The following NEBL variants were observed in gnomAD, a reference collection of about 807,000 sequenced individuals.
NEBL encodes the protein nebulette, also known as LIM and SH3 protein 2.
Under a neutral mutation model 140.2 loss-of-function variants are expected in NEBL, and 122 were observed. The observed-to-expected ratio is 0.87, with a 90% CI of 0.75 to 1.01. The LOEUF (loss-of-function observed/expected upper bound fraction) is 1.01, where lower values mean the gene tolerates loss of function less well. NEBL is among the 50% of genes least tolerant of loss of function. NEBL has a pLI of 0.00. For missense variants in NEBL, 1,365 were observed against 1,231.3 expected, an observed-to-expected ratio of 1.11 and a Z score of -1.62; for synonymous variants, 436 against 398.9, an observed-to-expected ratio of 1.09 and a Z score of -1.11.
intron 4 of NEBL, among the ~76,000 whole-genome samples, chr10:20,936,678 C>G (rs1834506048): frequency 6.6e-6 from 1 of 152,188 alleles, no homozygotes; most frequent in South Asian, 2.1e-4. Context: ...CTCACTGAAT[C>G]TAAATAAATA....
chr10:20,809,290 C>T (rs1220431677), intron 25 of NEBL, among the ~76,000 whole-genome samples: 1 of 152,134 alleles, frequency 6.6e-6, no homozygotes, highest in African/African-American at 2.4e-5. Flanking sequence ...TAATTATGAA[C>T]TTGCAATCTA....
At chr10:21,141,951 T>C (rs1839649120) in intron 2 of NEBL, among the ~76,000 whole-genome samples, 1 of 152,198 alleles carries the variant, frequency 6.6e-6, no homozygotes, top group African/African-American at 2.4e-5. Context: ...CTAGAAAATC[T>C]TCCTCTTGAC....
intron 18 of NEBL, among the ~76,000 whole-genome samples, chr10:20,824,185 C>CAT (rs984215402): frequency 3.3e-5 from 5 of 152,106 alleles, no homozygotes; most frequent in African/African-American, 1.2e-4. Flanking sequence ...GAAAAGGATA[C>CAT]ATATATATGT....
intron 3 of NEBL, among the ~76,000 whole-genome samples, chr10:20,992,022 C>T (rs569896913): frequency 3.4e-4 from 51 of 152,108 alleles, no homozygotes; most frequent in South Asian, 1.7e-3. Flanking sequence ...ACCACTGAAA[C>T]GAACCTAGGC....
chr10:20,987,209 C>T (rs1837290960), intron 3 of NEBL, among the ~76,000 whole-genome samples: 1 of 150,508 alleles, frequency 6.6e-6, no homozygotes, highest in Non-Finnish European at 1.5e-5. Context: ...TTTCCTAAGA[C>T]ATTCACATAT....
intron 2 of NEBL, among the ~76,000 whole-genome samples, chr10:21,040,581 T>G (rs1025909564): frequency 1.2e-4 from 19 of 152,104 alleles, no homozygotes; most frequent in African/African-American, 4.6e-4. Context: ...CTCATTACCA[T>G]GGGGAGGACA....
At chr10:21,001,174 T>C (rs569824975) in intron 3 of NEBL, among the ~76,000 whole-genome samples, 2 of 152,292 alleles carry the variant, frequency 1.3e-5, no homozygotes, top group East Asian at 3.9e-4. Flanking sequence ...TATTGCCTGC[T>C]TCCCCAGGTC....
chr10:20,854,554 T>C (rs187230861), intron 9 of NEBL, among the ~76,000 whole-genome samples: 3 of 149,210 alleles, frequency 2.0e-5, no homozygotes, highest in East Asian at 4.0e-4. Flanking sequence ...AAAATGTTCA[T>C]ATAGTACTTT....
intron 3 of NEBL, among the ~76,000 whole-genome samples, chr10:21,181,061 A>G (rs1172324441): frequency 6.6e-6 from 1 of 152,146 alleles, no homozygotes; most frequent in Admixed American, 6.6e-5. Flanking sequence ...CAGAAGTTCA[A>G]GACAAACCTG....
intron 1 of NEBL, among the ~76,000 whole-genome samples, chr10:21,290,136 C>T (rs1336923434): frequency 1.3e-5 from 2 of 152,114 alleles, no homozygotes; most frequent in East Asian, 3.9e-4. Context: ...CTGTGTGGTC[C>T]TCAGTGACAC....
intron 2 of NEBL, among the ~76,000 whole-genome samples, chr10:21,154,866 G>A (rs958057574): frequency 6.6e-6 from 1 of 152,148 alleles, no homozygotes; most frequent in Non-Finnish European, 1.5e-5. Context: ...TATACTTGTG[G>A]GGCACATGAG....
rs780917960 is a variant in NEBL at position 20,809,851 on chromosome 10, G to A, written c.2566C>T (p.Pro856Ser). ...CTAGACTGAATATTGTCTTCCAGGGGATCAAGGTCGAAGATGGAGCCAGGA... is the reference window on the plus strand; with the variant it reads ...CTAGACTGAATATTGTCTTCCAGGGAATCAAGGTCGAAGATGGAGCCAGGA... ...TDPGSIFDLD[P>S]LEDNIQSRSL... Residue 856 changes from proline (P) to serine (S), a missense_variant, in exon 25 of 28, where the codon CCC becomes TCC. Pro to Ser is a moderately conservative substitution (Grantham distance 74). Around this residue, in one of 2 missense-constraint regions of NEBL, gnomAD observed 1,323 missense variants for 1,154.8 expected, o/e 1.15. Coordinates refer to ENST00000377122, the MANE Select transcript of NEBL (RefSeq NM_006393.3). 1 of 1,611,708 alleles carries A rather than the reference G, an allele frequency of 6.2e-7. No homozygotes were observed. Among genetic ancestry groups the A allele is most frequent in the South Asian group, 1.1e-5 (1 of 90,950 alleles).
chr10:20,899,678 A>T (rs1423478539), upstream of NEBL: 1 of 309,074 alleles, frequency 3.2e-6, no homozygotes, highest in African/African-American at 2.2e-5. Context: ...TCAATGAAGC[A>T]CTAGGATCAG....
intron 24 of NEBL, among the ~76,000 whole-genome samples, chr10:20,812,472 C>A (rs1323060065): frequency 7.3e-6 from 1 of 136,098 alleles, no homozygotes; most frequent in Admixed American, 7.5e-5. Context: ...CCTCCCCCCT[C>A]CCCCCACCTC....
intron 4 of NEBL, among the ~76,000 whole-genome samples, chr10:20,944,645 C>T (rs1835068169): frequency 6.6e-6 from 1 of 152,194 alleles, no homozygotes; most frequent in Admixed American, 6.5e-5. Context: ...CTGAGACTAG[C>T]TATCCCAGGC....
intron 3 of NEBL, among the ~76,000 whole-genome samples, chr10:20,970,127 G>T (rs1836503504): frequency 6.6e-6 from 1 of 152,142 alleles, no homozygotes; most frequent in African/African-American, 2.4e-5. Flanking sequence ...CTAGTAAGTG[G>T]CTCCTGTGTT....
At chr10:21,218,135 C>G (rs1842021426) in intron 3 of NEBL, 1 of 154,514 alleles carries the variant, frequency 6.5e-6, no homozygotes, top group Non-Finnish European at 1.4e-5. Context: ...AGCCAGGCCA[C>G]AAGTACAGGG....
chr10:20,814,161 A>G, intron 22 of NEBL, 118 bp from the exon 23 acceptor site: 2 of 728,234 alleles, frequency 2.7e-6, no homozygotes, highest in Non-Finnish European at 4.9e-6. Flanking sequence ...CCAGGTAACT[A>G]TTTCAGTGAA....
At chr10:20,833,902 T>C (rs1322394506) in intron 14 of NEBL, among the ~76,000 whole-genome samples, 1 of 152,120 alleles carries the variant, frequency 6.6e-6, no homozygotes, top group Middle Eastern at 3.2e-3. Flanking sequence ...ACCACCACTA[T>C]GGGGGTGGCA....
Sources: gnomAD v4.1 joint callset for allele counts (sites outside exome capture counted in the v4.1 genomes callset) on GRCh38, gnomAD v4.1.1 for gene constraint, gnomAD v4.1.1 regional missense constraint, MANE v1.5 for transcripts, NCBI Gene and HGNC (gene_info 2026-07-23, HGNC 2026-07-21) for gene names.